ATG14: variants seen among roughly 807,000 people sequenced by gnomAD.
ATG14 encodes autophagy related 14.
A neutral mutation model predicts 60.4 loss-of-function variants in ATG14; 35 were observed. That is an observed-to-expected ratio of 0.58 (90% confidence interval 0.44 to 0.77). ATG14 has a LOEUF of 0.77. Ranked by LOEUF, ATG14 falls within the 30% of genes least tolerant of loss-of-function variation. The pLI is 0.00. For missense variants in ATG14, 647 were observed against 626.3 expected, an observed-to-expected ratio of 1.03 and a Z score of -0.35; for synonymous variants, 234 against 228.8, an observed-to-expected ratio of 1.02 and a Z score of -0.21.
At chr14:55,386,381 G>A (rs879844956) in intron 4 of ATG14, among the ~76,000 whole-genome samples, 1 of 152,192 alleles carries the variant, frequency 6.6e-6, no homozygotes, top group Non-Finnish European at 1.5e-5. Context: ...AGCACAGGAA[G>A]GACCTGATTT....
intron 1 of ATG14, among the ~76,000 whole-genome samples, chr14:55,401,778 A>T (rs948887735): frequency 4.6e-5 from 7 of 152,146 alleles, no homozygotes; most frequent in Admixed American, 4.6e-4. Context: ...AAAGCACACA[A>T]CCCAGCTCGG....
At chr14:55,393,182 C>T (rs543729004) in intron 3 of ATG14, among the ~76,000 whole-genome samples, 36 of 152,048 alleles carry the variant, frequency 2.4e-4, no homozygotes, top group Non-Finnish European at 4.4e-4. Flanking sequence ...GAGATTGAGA[C>T]CATCCTGGCT....
intron 9 of ATG14, among the ~76,000 whole-genome samples, chr14:55,376,079 G>A (rs1884914959): frequency 6.6e-6 from 1 of 152,108 alleles, no homozygotes; most frequent in Admixed American, 6.6e-5. Flanking sequence ...ATAAATACTG[G>A]TTAACTGCAT....
intron 1 of ATG14, among the ~76,000 whole-genome samples, chr14:55,402,970 A>ATATATATATATATATAT (rs1566585833): frequency 3.6e-4 from 25 of 69,478 alleles, no homozygotes; most frequent in South Asian, 1.3e-3. Context: ...TATATATATA[A>ATATATATATATATATAT]ATAGCTGGGC....
intron 2 of ATG14, among the ~76,000 whole-genome samples, chr14:55,396,729 T>A (rs1885319766): frequency 6.6e-6 from 1 of 152,098 alleles, no homozygotes. Context: ...GATGCAAACC[T>A]CTAGGGTGCA....
intron 1 of ATG14, among the ~76,000 whole-genome samples, chr14:55,401,985 G>A (rs1414329966): frequency 6.6e-6 from 1 of 152,204 alleles, no homozygotes; most frequent in Non-Finnish European, 1.5e-5. Flanking sequence ...ATGAATGCGA[G>A]TCTCACTTCC....
intron 3 of ATG14, among the ~76,000 whole-genome samples, chr14:55,393,161 C>G (rs1363543546): frequency 6.6e-6 from 1 of 152,130 alleles, no homozygotes; most frequent in Non-Finnish European, 1.5e-5. Flanking sequence ...GTGGGCGGAT[C>G]ACGAGGTCAG....
chr14:55,377,370 T>C (rs1439339880), intron 9 of ATG14, among the ~76,000 whole-genome samples: 1 of 151,798 alleles, frequency 6.6e-6, no homozygotes, highest in African/African-American at 2.4e-5. Context: ...AAATTGTGAA[T>C]TGTTACGACG....
At position 55,369,413 on chromosome 14, in the gene ATG14, CTT is replaced by C. The variant is rs1295000720; in HGVS notation, c.*204_*205del. The C allele has an allele frequency of 6.7e-6, 3 of 447,740 alleles. No homozygotes were observed. The highest frequency in any genetic ancestry group is 3.9e-5 in the Admixed American group (1 of 25,588). 27.7% of individuals were successfully genotyped at this position (447,740 alleles called of 1,614,324 possible). The stretch of plus-strand genomic sequence containing the variant: ...TAGAAAGACCTTCGACCCCTGTTCT[CTT>C]AATTATCATAAGCATGTTGGTCACC... On this transcript the variant is annotated 3_prime_UTR_variant, in exon 10 of 10. Transcript: ENST00000247178.
At chr14:55,382,985 G>A (rs998031097) in intron 5 of ATG14, among the ~76,000 whole-genome samples, 2 of 152,292 alleles carry the variant, frequency 1.3e-5, no homozygotes, top group African/African-American at 4.8e-5. Flanking sequence ...GAGTGACACT[G>A]TTTTACATTT....
At chr14:55,408,153 G>T (rs1287612937) in intron 1 of ATG14, among the ~76,000 whole-genome samples, 1 of 152,156 alleles carries the variant, frequency 6.6e-6, no homozygotes, top group East Asian at 1.9e-4. Flanking sequence ...TAAACATGAA[G>T]TTAAGAAACT....
At chr14:55,372,887 G>A (rs947957044) in intron 9 of ATG14, among the ~76,000 whole-genome samples, 4 of 152,294 alleles carry the variant, frequency 2.6e-5, no homozygotes, top group African/African-American at 4.8e-5. Flanking sequence ...CACCTGGCAC[G>A]GAGCAGGCGC....
intron 1 of ATG14, among the ~76,000 whole-genome samples, chr14:55,407,573 G>A (rs542448428): frequency 2.0e-5 from 3 of 152,186 alleles, no homozygotes; most frequent in Non-Finnish European, 4.4e-5. Context: ...CCCCTATGTT[G>A]AGTTTTAAAA....
At chr14:55,401,786 C>T (rs1377099725) in intron 1 of ATG14, among the ~76,000 whole-genome samples, 1 of 152,184 alleles carries the variant, frequency 6.6e-6, no homozygotes, top group Non-Finnish European at 1.5e-5. Flanking sequence ...CAACCCAGCT[C>T]GGGCTTCAGA....
chr14:55,387,290 A>G (rs1885141023), intron 4 of ATG14, among the ~76,000 whole-genome samples: 1 of 152,272 alleles, frequency 6.6e-6, no homozygotes, highest in African/African-American at 2.4e-5. Context: ...CAATTGCAAC[A>G]TATTTCAAAT....
At chr14:55,402,558 A>G (rs1473193900) in intron 1 of ATG14, among the ~76,000 whole-genome samples, 3 of 152,108 alleles carry the variant, frequency 2.0e-5, no homozygotes, top group Non-Finnish European at 4.4e-5. Context: ...TATTGCCACA[A>G]AAGACATTAA....
At chr14:55,397,016 C>A (rs1233428975) in intron 2 of ATG14, among the ~76,000 whole-genome samples, 1 of 152,054 alleles carries the variant, frequency 6.6e-6, no homozygotes, top group Non-Finnish European at 1.5e-5. Flanking sequence ...CTGATATGGA[C>A]AAAAGAAGAA....
intron 1 of ATG14, among the ~76,000 whole-genome samples, chr14:55,411,383 T>A (rs1885568709): frequency 6.6e-6 from 1 of 152,146 alleles, no homozygotes; most frequent in Non-Finnish European, 1.5e-5. Context: ...AAACTCCTCT[T>A]GGGTGGGTGA....
intron 1 of ATG14, among the ~76,000 whole-genome samples, chr14:55,400,285 CA>C (rs1885375893): frequency 6.6e-6 from 1 of 152,226 alleles, no homozygotes; most frequent in African/African-American, 2.4e-5. Flanking sequence ...TCACTATATT[CA>C]AACCAAATTT....
Sources: gnomAD v4.1 joint callset for allele counts (sites outside exome capture counted in the v4.1 genomes callset) on GRCh38, gnomAD v4.1.1 for gene constraint, MANE v1.5 for transcripts, NCBI Gene and HGNC (gene_info 2026-07-23, HGNC 2026-07-21) for gene names.